The following TRPM3 variants were observed in gnomAD, a reference collection of about 807,000 sequenced individuals.
TRPM3 encodes the protein transient receptor potential cation channel subfamily M member 3.
Under a neutral mutation model 181.2 loss-of-function variants are expected in TRPM3, and 77 were observed. The ratio of observed to expected loss-of-function variants is 0.42; its 90% CI spans 0.35 to 0.51. The LOEUF (loss-of-function observed/expected upper bound fraction) is 0.51, where lower values mean the gene tolerates loss of function less well. TRPM3 is among the 20% of genes least tolerant of loss of function. The pLI is 0.01. For synonymous variants in TRPM3, 745 were observed against 796.4 expected (o/e 0.94, Z 1.09); for missense variants, 1,759 against 2,196.7 (o/e 0.80, Z 3.98).
At chr9:70,655,933 T>C (rs1440447402) in intron 9 of TRPM3, among the ~76,000 whole-genome samples, 2 of 152,232 alleles carry the variant, frequency 1.3e-5, no homozygotes, top group Non-Finnish European at 2.9e-5. Context: ...TGTATTTATA[T>C]GTTGCGTACA....
chr9:71,133,996 T>C (rs1215235345), intron 1 of TRPM3, among the ~76,000 whole-genome samples: 9 of 144,054 alleles, frequency 6.2e-5, no homozygotes, highest in South Asian at 2.1e-4. Flanking sequence ...TGTGTGTGTG[T>C]GTGTGTGTGT....
At chr9:71,416,382 T>C (rs1043012312) in intron 1 of TRPM3, among the ~76,000 whole-genome samples, 3 of 151,936 alleles carry the variant, frequency 2.0e-5, no homozygotes, top group African/African-American at 4.8e-5. Context: ...TCTAAAATGA[T>C]AGTTTTTGCT....
intron 1 of TRPM3, among the ~76,000 whole-genome samples, chr9:71,105,407 C>A (rs1378064785): frequency 6.6e-6 from 1 of 152,142 alleles, no homozygotes; most frequent in Non-Finnish European, 1.5e-5. Flanking sequence ...GGGAAAAACA[C>A]CAGGGTGGTT....
At chr9:71,058,647 C>G (rs999040915) in intron 1 of TRPM3, among the ~76,000 whole-genome samples, 1 of 152,036 alleles carries the variant, frequency 6.6e-6, no homozygotes, top group African/African-American at 2.4e-5. Context: ...TGTAAATAAC[C>G]TGTAATAGAC....
rs755226470 is a variant in TRPM3, at chr9:70,761,655, G to T, written c.1218C>A (p.Thr406=). 1.1e-5 allele frequency: 18 copies of T among 1,613,914 alleles called. No homozygotes were observed. The highest frequency in any genetic ancestry group is 1.4e-5 in the Non-Finnish European group (17 of 1,179,910). The part of the protein sequence containing the change: ...TIQKTFTYTR[T]QAQHLFIILM... The stretch of plus-strand genomic sequence containing the variant: ...GGATGATGAACAGATGCTGAGCTTG[G>T]GTTCGAGTGTATGTGAAAGTCTTCT... The change falls in exon 8 of 26, where the codon ACC becomes ACA. Residue 406 remains threonine, a synonymous_variant. Transcript: ENST00000677713.
At chr9:71,216,225 G>A (rs1489246915) in intron 1 of TRPM3, among the ~76,000 whole-genome samples, 4 of 147,610 alleles carry the variant, frequency 2.7e-5, no homozygotes, top group African/African-American at 7.4e-5. Context: ...TTGTAAATAG[G>A]CTTCTAACTA....
intron 1 of TRPM3, among the ~76,000 whole-genome samples, chr9:70,877,008 CCTCA>C (rs1361505627): frequency 5.3e-5 from 8 of 152,070 alleles, no homozygotes; most frequent in South Asian, 4.2e-4. Flanking sequence ...TTACATTAAG[CCTCA>C]CTGTTTGTAT....
chr9:70,669,316 CGAAAAATCTTCTAG>C (rs1422297821), intron 9 of TRPM3, among the ~76,000 whole-genome samples: 3 of 152,154 alleles, frequency 2.0e-5, no homozygotes, highest in African/African-American at 7.2e-5. Context: ...GTCATAATCC[CGAAAAATCTTCTAG>C]GAATGTCCTA....
intron 1 of TRPM3, among the ~76,000 whole-genome samples, chr9:70,998,113 C>G (rs559046636): frequency 5.4e-5 from 8 of 148,176 alleles, no homozygotes. Context: ...ATATAATGCT[C>G]TAATTGTTTA....
chr9:71,408,657 G>A (rs2093483495), intron 1 of TRPM3, among the ~76,000 whole-genome samples: 2 of 152,170 alleles, frequency 1.3e-5, no homozygotes, highest in African/African-American at 4.8e-5. Context: ...CGGGGAGAAT[G>A]GAACCAAGTT....
At chr9:71,252,847 C>CTCTTTTTTTTTTTTTTTTTTTTTTT (rs1554854926) in intron 1 of TRPM3, among the ~76,000 whole-genome samples, 1 of 84,754 alleles carries the variant, frequency 1.2e-5, no homozygotes, top group Admixed American at 1.5e-4. Flanking sequence ...AATTTTGTCT[C>CTCTTTTTTTTTTTTTTTTTTTTTTT]TTTTTTTTTT....
chr9:70,872,902 G>A (rs1283713311), intron 1 of TRPM3, among the ~76,000 whole-genome samples: 1 of 151,866 alleles, frequency 6.6e-6, no homozygotes, highest in Non-Finnish European at 1.5e-5. Context: ...GGATTTCAGG[G>A]CGGGACTCAG....
intron 7 of TRPM3, among the ~76,000 whole-genome samples, chr9:70,777,195 A>G (rs1464171389): frequency 6.6e-6 from 1 of 152,172 alleles, no homozygotes; most frequent in Non-Finnish European, 1.5e-5. Flanking sequence ...ATCATAAAGA[A>G]TTATGCAACT....
chr9:71,188,368 G>T (rs1469865917), intron 1 of TRPM3, among the ~76,000 whole-genome samples: 1 of 151,742 alleles, frequency 6.6e-6, no homozygotes, highest in East Asian at 1.9e-4. Context: ...TAATAACAGT[G>T]CCCATTTTTA....
At chr9:71,230,311 G>C (rs565341770) in intron 1 of TRPM3, among the ~76,000 whole-genome samples, 1 of 151,742 alleles carries the variant, frequency 6.6e-6, no homozygotes, top group African/African-American at 2.4e-5. Flanking sequence ...GATTACCAGA[G>C]TCTGGGAAAA....
At chr9:71,444,011 T>C (rs927311021) in intron 1 of TRPM3, among the ~76,000 whole-genome samples, 1 of 151,934 alleles carries the variant, frequency 6.6e-6, no homozygotes, top group African/African-American at 2.4e-5. Context: ...AAACCCCATC[T>C]CTACCAAAAA....
chr9:71,244,441 C>A (rs1055858926), intron 1 of TRPM3, among the ~76,000 whole-genome samples: 3 of 152,264 alleles, frequency 2.0e-5, no homozygotes, highest in Admixed American at 1.3e-4. Flanking sequence ...ACTCTGCCAA[C>A]CTTCTTCATA....
In TRPM3 at chr9:70,960,302, T is replaced by G. The variant is rs191918050; in HGVS notation, c.178-95791A>C. On this transcript the variant is annotated intron_variant, in intron 1 of 25. Coordinates refer to ENST00000677713, the MANE Select transcript of TRPM3 (RefSeq NM_001366145.2). ...AACAGCATCTCAGCTCTGTTGTGAA[T>G]GCCACTCAAGCTTGCTTGTTATGAA... 3.4e-3 allele frequency among the ~76,000 whole-genome samples: 517 copies of G among 152,272 alleles called. 2 individuals carry two copies. The highest frequency in any genetic ancestry group is 6.0e-3 in the Non-Finnish European group (408 of 68,006).
intron 1 of TRPM3, among the ~76,000 whole-genome samples, chr9:70,939,625 T>C (rs1295306453): frequency 1.3e-5 from 2 of 152,218 alleles, no homozygotes; most frequent in East Asian, 1.9e-4. Context: ...AGAAATATCC[T>C]AAGATAAATC....
Sources: allele counts gnomAD v4.1 joint callset (sites outside exome capture counted in the v4.1 genomes callset), GRCh38; gene constraint gnomAD v4.1.1; transcripts MANE v1.5; gene names NCBI Gene and HGNC (gene_info 2026-07-23, HGNC 2026-07-21).